The following ABCA5 variants were observed in gnomAD, a reference collection of about 807,000 sequenced individuals.
ABCA5 encodes the protein cholesterol transporter ABCA5.
In ABCA5, 163 loss-of-function variants were observed where a neutral mutation model predicts 206.0. The observed-to-expected ratio is 0.79, with a 90% confidence interval of 0.70 to 0.90. ABCA5 has a LOEUF of 0.90. Ranked by LOEUF, ABCA5 falls within the 40% of genes least tolerant of loss-of-function variation. ABCA5 has a pLI of 0.00. For synonymous variants in ABCA5, 609 were observed against 613.8 expected (o/e 0.99, Z 0.11); for missense variants, 1,859 against 1,912.9 (o/e 0.97, Z 0.53).
At position 69,298,229 on chromosome 17, in the gene ABCA5, T is replaced by TAGGTAGGTAGGA. The variant is rs1253604474; in HGVS notation, c.1268-871_1268-870insTCCTACCTACCT. Among the ~76,000 whole-genome samples the TAGGTAGGTAGGA allele has an allele frequency of 1.1e-3, 37 of 33,500 alleles. 1 individual carries two copies. Among genetic ancestry groups the TAGGTAGGTAGGA allele is most frequent in the Admixed American group, 3.2e-3 (9 of 2,818 alleles). The allele number at this position is 33,500 out of a possible 152,430, so 22.0% of individuals were successfully genotyped here. ...CCCTGTCGGAAGGAAGGAAGGTAGG[T>TAGGTAGGTAGGA]AGGAAGGAAGGAAGGAAGGAAGGAA... On this transcript the variant is annotated intron_variant, in intron 9 of 38. Coordinates refer to ENST00000392676, the MANE Select transcript of ABCA5 (RefSeq NM_172232.4).
rs1567778921 is a variant in ABCA5 at position 69,304,732 on chromosome 17, CAAA to C, written c.864_866del (p.Leu290del). 1.2e-6 allele frequency: 2 copies of C among 1,609,386 alleles called. No individual in the cohort carries two copies. The highest frequency in any genetic ancestry group is 1.7e-5 in the Admixed American group (1 of 59,464). ...CAATGCTGCTACTTTGAGGAAATAA[CAAA>C]GAAGCTGTCGCAATGACTGCCATAA... On this transcript the variant is annotated inframe_deletion, in exon 7 of 39. Coordinates refer to ENST00000392676, the MANE Select transcript of ABCA5 (RefSeq NM_172232.4).
chr17:69,271,402 G>T, intron 20 of ABCA5, 113 bp from the exon 21 acceptor site: 1 of 1,163,510 alleles, frequency 8.6e-7, no homozygotes, highest in Non-Finnish European at 1.2e-6. Flanking sequence ...TAGCGAATAC[G>T]CAAGTAAGTA....
In ABCA5 at chr17:69,266,756, C is replaced by T. The variant is rs12941842; in HGVS notation, c.3144+1187G>A. ...CTTTTCTATAATTTATACATTACTA[C>T]AATGAGTATATTTAACAAAAATTGA... On this transcript the variant is annotated intron_variant, in intron 23 of 38. Transcript: ENST00000392676. 9.7e-3 allele frequency among the ~76,000 whole-genome samples: 1,448 copies of T among 149,302 alleles called. 13 individuals are homozygous for T. The highest frequency in any genetic ancestry group is 0.025 in the Middle Eastern group (7 of 284).
chr17:69,258,511 C>CATAAACATGG (rs1415764221), intron 28 of ABCA5, among the ~76,000 whole-genome samples: 3 of 152,040 alleles, frequency 2.0e-5, no homozygotes, highest in African/African-American at 7.2e-5. Flanking sequence ...AGTGGATACA[C>CATAAACATGG]ATGAACATAA....
At chr17:69,249,601 G>A (rs2074989094) in intron 37 of ABCA5, 1 of 329,564 alleles carries the variant, frequency 3.0e-6, no homozygotes, top group Non-Finnish European at 5.6e-6. Flanking sequence ...CTGTGTCAAT[G>A]CTCTCTAAAA....
At chr17:69,293,850 G>A (rs2075554511) in intron 11 of ABCA5, among the ~76,000 whole-genome samples, 1 of 103,360 alleles carries the variant, frequency 9.7e-6, no homozygotes. Flanking sequence ...GTGTGTGTGT[G>A]TGTGTGTGTG....
chr17:69,316,620 T>C (rs1346728624), intron 1 of ABCA5, among the ~76,000 whole-genome samples: 1 of 147,384 alleles, frequency 6.8e-6, no homozygotes, highest in Non-Finnish European at 1.5e-5. Flanking sequence ...ATTAAAGACT[T>C]AATGGCTGAA....
intron 1 of ABCA5, among the ~76,000 whole-genome samples, chr17:69,322,962 G>C (rs1436909139): frequency 6.6e-6 from 1 of 152,082 alleles, no homozygotes; most frequent in African/African-American, 2.4e-5. Flanking sequence ...TTTCCAGAAA[G>C]GCTAGCTGAA....
chr17:69,315,318 T>C (rs1222765107), intron 1 of ABCA5: 6 of 152,102 alleles, frequency 3.9e-5, no homozygotes, highest in African/African-American at 1.4e-4. Context: ...GCAAAAGTTT[T>C]TGAAAAATAA....
intron 6 of ABCA5, among the ~76,000 whole-genome samples, chr17:69,305,068 T>G (rs1193375054): frequency 6.6e-6 from 1 of 152,202 alleles, no homozygotes; most frequent in Non-Finnish European, 1.5e-5. Context: ...AAATGAATAG[T>G]AATTCATAAT....
At position 69,255,755 on chromosome 17, in the gene ABCA5, G is replaced by T. The variant is rs1436935200; in HGVS notation, c.3954C>A (p.Tyr1318Ter). ...SRKVKKVATK[Y>*]ISFCVKKGEI... ...AGCCTTTTTTCACACAGAAAGAGAT[G>T]TATTTAGTTGCCACTTTCTTTACTT... is the stretch of plus-strand genomic sequence containing the variant. The change falls in exon 30 of 39, where the codon TAC becomes TAA. Residue 1318 changes from tyrosine (Y) to a stop codon, truncating the protein, a stop_gained. Coordinates refer to ENST00000392676, the MANE Select transcript of ABCA5 (RefSeq NM_172232.4). LOFTEE classifies it high-confidence loss of function. The T allele has an allele frequency of 1.3e-6, 2 of 1,593,286 alleles. No individual in the cohort carries two copies.
At chr17:69,270,488 T>G in intron 22 of ABCA5, 125 bp downstream of exon 22, 1 of 894,880 alleles carries the variant, frequency 1.1e-6, no homozygotes, top group Non-Finnish European at 1.7e-6. Flanking sequence ...TCACTTGAGT[T>G]TTAAGAAGTC....
chr17:69,264,917 G>A lies in ABCA5; in HGVS notation c.3145-12C>T. ...GTATAAGCTTTGATCTAAAAAAAAT[G>A]AAAAACAATTTATTATAATTTTAGA... is the stretch of plus-strand genomic sequence containing the variant. On this transcript the variant is annotated splice_polypyrimidine_tract_variant and intron_variant, in intron 23 of 38. Coordinates refer to ENST00000392676, the MANE Select transcript of ABCA5 (RefSeq NM_172232.4). 6.9e-7 allele frequency: 1 copy of A among 1,451,802 alleles called. No homozygotes were observed. The allele number at this position is 1,451,802 out of a possible 1,614,324, so 89.9% of individuals were successfully genotyped here.
chr17:69,250,630 A>AT lies in ABCA5; in HGVS notation c.4536-10dup. The AT allele has an allele frequency of 3.3e-6, 5 of 1,531,176 alleles. No individual in the cohort carries two copies. Among genetic ancestry groups the AT allele is most frequent in the Non-Finnish European group, 4.4e-6 (5 of 1,143,950 alleles). 94.8% of individuals were successfully genotyped at this position (1,531,176 alleles called of 1,614,324 possible). A position where few individuals can be genotyped will look rare whatever the true frequency, so the allele number is the denominator to read the frequency against. ...GTACTGTTCCGATACATCTGAAGTA[A>AT]TTTTTTAAAAGAAAGCTCAGATATA... On this transcript the variant is annotated splice_polypyrimidine_tract_variant and intron_variant, in intron 35 of 38. Coordinates refer to ENST00000392676, the MANE Select transcript of ABCA5 (RefSeq NM_172232.4).
rs2075508494 is a variant in ABCA5, at chr17:69,290,028, G to C, written c.1616C>G (p.Ser539Cys). 6.3e-7 allele frequency: 1 copy of C among 1,580,200 alleles called. No individual in the cohort carries two copies. The highest frequency in any genetic ancestry group is 8.6e-7 in the Non-Finnish European group (1 of 1,167,734). Reference sequence around the variant, plus strand: ...TTCTGAGACTCTGTGTCCATATATAGATGCAAACCCTAAAAGCAAAATATA... The same window carrying C: ...TTCTGAGACTCTGTGTCCATATATACATGCAAACCCTAAAAGCAAAATATA... The part of the protein sequence containing the change: ...GLCPPSDGFA[S>C]IYGHRVSEID... The change falls in exon 13 of 39, where the codon TCT becomes TGT. Residue 539 changes from serine (S) to cysteine (C), a missense_variant. Coordinates refer to ENST00000392676, the MANE Select transcript of ABCA5 (RefSeq NM_172232.4).
intron 20 of ABCA5, among the ~76,000 whole-genome samples, chr17:69,273,363 T>G (rs1162095877): frequency 6.6e-6 from 1 of 151,962 alleles, no homozygotes; most frequent in Non-Finnish European, 1.5e-5. Flanking sequence ...ATCATGGACT[T>G]ATCAGCATAA....
chr17:69,260,514 A>G (rs1333365797), intron 26 of ABCA5, 102 bp from the exon 27 acceptor site: 1 of 765,222 alleles, frequency 1.3e-6, no homozygotes, highest in African/African-American at 1.8e-5. Context: ...ACTTTCTATA[A>G]TAAGTTAGCT....
intron 14 of ABCA5, 138 bp downstream of exon 14, chr17:69,289,039 C>T: frequency 1.2e-6 from 1 of 829,590 alleles, no homozygotes. Context: ...AATCTCATTA[C>T]TATGATTATA....
rs149220543 is a variant in ABCA5, at chr17:69,307,689, A to G, written c.558+591T>C. Among the ~76,000 whole-genome samples, 861 of 152,236 alleles carry G rather than the reference A, an allele frequency of 5.7e-3. 11 individuals are homozygous for G. Among genetic ancestry groups the G allele is most frequent in the African/African-American group, 0.019 (802 of 41,572 alleles). On this transcript the variant is annotated intron_variant, in intron 5 of 38. Transcript: ENST00000392676. Reference sequence around the variant, plus strand: ...TTTACAAGACAATTATACATAAATCATCTCATTTGGTTCTTACGACAATGC... The same window carrying G: ...TTTACAAGACAATTATACATAAATCGTCTCATTTGGTTCTTACGACAATGC...
Sources: gnomAD v4.1 joint callset for allele counts (sites outside exome capture counted in the v4.1 genomes callset) on GRCh38, gnomAD v4.1.1 for gene constraint, MANE v1.5 for transcripts, NCBI Gene and HGNC (gene_info 2026-07-23, HGNC 2026-07-21) for gene names.